Variants in MYH11 observed in about 807,000 individuals in gnomAD.
The protein encoded by MYH11 is myosin heavy chain 11.
In MYH11, 80 loss-of-function variants were observed where a neutral mutation model predicts 246.6. The ratio of observed to expected loss-of-function variants is 0.32; its 90% confidence interval spans 0.27 to 0.39. MYH11 has a LOEUF of 0.39. MYH11 is among the 10% of genes least tolerant of loss of function. MYH11 has a pLI of 1.00. For missense variants in MYH11, 2,158 were observed against 2,546.8 expected (o/e 0.85, Z 3.29); for synonymous variants, 1,071 against 1,015.5 (o/e 1.05, Z -1.04).
chr16:15,786,602 T>G, intron 5 of MYH11, 28 bp downstream of exon 5: 1 of 1,601,728 alleles, frequency 6.2e-7, no homozygotes, highest in Non-Finnish European at 8.6e-7. Flanking sequence ...GGCTAAATCA[T>G]GGCCTCTGAT....
At chr16:15,792,978 G>C (rs149410317) in intron 4 of MYH11, among the ~76,000 whole-genome samples, 52 of 152,264 alleles carry the variant, frequency 3.4e-4, no homozygotes, top group African/African-American at 1.2e-3. Context: ...CAAGCGATCA[G>C]CCTGCCTTGG....
intron 28 of MYH11, chr16:15,725,584 A>C (rs560846645): frequency 1.3e-4 from 51 of 406,438 alleles, no homozygotes; most frequent in African/African-American, 9.8e-4. Flanking sequence ...CTACCCCTCC[A>C]TCTCTTCCAT....
intron 11 of MYH11, among the ~76,000 whole-genome samples, 191 bp downstream of exon 11, chr16:15,760,345 GATGA>G (rs2041839990): frequency 6.8e-6 from 1 of 146,484 alleles, no homozygotes; most frequent in African/African-American, 2.8e-5. Flanking sequence ...TAGATGGGCA[GATGA>G]ATGGATGGAT....
At chr16:15,844,806 C>T (rs1178672630) in intron 1 of MYH11, among the ~76,000 whole-genome samples, 3 of 152,112 alleles carry the variant, frequency 2.0e-5, no homozygotes, top group Non-Finnish European at 4.4e-5. Context: ...GCTATGATTA[C>T]ATCACTGCAC....
intron 5 of MYH11, chr16:15,786,086 G>A (rs1376436499): frequency 3.9e-6 from 1 of 258,774 alleles, no homozygotes. Context: ...GGAGGAATCC[G>A]GGAACCCAAA....
chr16:15,760,721 A>G (rs2041849712), intron 10 of MYH11, 63 bp from the exon 11 acceptor site: 2 of 1,083,216 alleles, frequency 1.8e-6, no homozygotes, highest in African/African-American at 1.5e-5. Flanking sequence ...AAGAAGACAC[A>G]TCGCATGGGA....
intron 3 of MYH11, among the ~76,000 whole-genome samples, chr16:15,800,924 G>T (rs1311104206): frequency 2.6e-5 from 4 of 152,134 alleles, no homozygotes; most frequent in African/African-American, 9.7e-5. Context: ...AAAATAGGCA[G>T]GCCGGGCGCA....
In MYH11 at chr16:15,741,955, T is replaced by G. The variant is rs2041287252; in HGVS notation, c.2521-64A>C. ...CAAAGGGATATGTTGTCATAATAAATTCGATCAGTGGTTCCGAGCCAGGGA... is the reference window on the plus strand; with the variant it reads ...CAAAGGGATATGTTGTCATAATAAAGTCGATCAGTGGTTCCGAGCCAGGGA... On this transcript the variant is annotated intron_variant, in intron 20 of 40. Transcript: ENST00000300036. The G allele has an allele frequency of 3.1e-6, 5 of 1,604,678 alleles. No homozygotes were observed. The South Asian group carries it at 5.5e-5, about 18-fold the overall frequency.
At chr16:15,787,890 C>A (rs1346658267) in intron 4 of MYH11, among the ~76,000 whole-genome samples, 4 of 152,096 alleles carry the variant, frequency 2.6e-5, no homozygotes, top group East Asian at 1.9e-4. Flanking sequence ...CAGATGCAAG[C>A]CCCTTTATCC....
chr16:15,740,042 C>T lies in MYH11; in HGVS notation c.2997+9G>A. On this transcript the variant is annotated intron_variant, in intron 23 of 40. Coordinates refer to ENST00000300036, the MANE Select transcript of MYH11 (RefSeq NM_002474.3). ...TAGGCGTGAGCCACTGCACCCGGCC[C>T]CTACTCACTTTTGATAGTTTATTGT... The T allele has an allele frequency of 6.2e-7, 1 of 1,613,850 alleles. No homozygotes were observed. Among genetic ancestry groups the T allele is most frequent in the Non-Finnish European group, 8.5e-7 (1 of 1,179,956 alleles).
intron 1 of MYH11, among the ~76,000 whole-genome samples, chr16:15,842,787 A>G (rs74739464): frequency 6.7e-6 from 1 of 150,004 alleles, no homozygotes; most frequent in Admixed American, 6.6e-5. Flanking sequence ...AAAAAAAAAA[A>G]AAAGGGCAGA....
At chr16:15,746,608 G>A (rs78250419) in intron 19 of MYH11, among the ~76,000 whole-genome samples, 3,136 of 152,104 alleles carry the variant, frequency 0.021, 45 homozygotes, top group Non-Finnish European at 0.031. Flanking sequence ...GACAGAGAGC[G>A]ACCCCACCTG....
At chr16:15,797,663 G>C (rs2042775370) in intron 4 of MYH11, among the ~76,000 whole-genome samples, 2 of 151,284 alleles carry the variant, frequency 1.3e-5, no homozygotes, top group African/African-American at 4.9e-5. Flanking sequence ...CCGACCTGCT[G>C]AAAGTTATTT....
Position 15,782,398 on chromosome 16 carries a change from T to C in MYH11, c.713A>G (p.Asn238Ser). 2 of 1,613,952 alleles carry C rather than the reference T, an allele frequency of 1.2e-6. No homozygotes were observed. Among genetic ancestry groups the C allele is most frequent in the Non-Finnish European group, 1.7e-6 (2 of 1,179,946 alleles). Residue 238 changes from asparagine to serine, a missense_variant, in exon 6 of 41, where the codon AAC (asparagine) becomes AGC (serine). Physicochemically the swap from Asn to Ser is conservative, Grantham distance 46. This residue lies in a region of MYH11 where 123 missense variants were observed against 207.1 expected (regional missense o/e 0.59). Transcript: ENST00000300036. The part of the protein sequence containing the change: ...FGNAKTVKND[N>S]SSRFGKFIRI... Reference sequence around the variant, plus strand: ...TTTGCTACTTACGAATCGTGAGGAGTTGTCGTTCTTCACTGTTTTGGCGTT... The same window carrying C: ...TTTGCTACTTACGAATCGTGAGGAGCTGTCGTTCTTCACTGTTTTGGCGTT...
intron 1 of MYH11, among the ~76,000 whole-genome samples, chr16:15,850,474 C>T (rs2044302679): frequency 6.6e-6 from 1 of 152,156 alleles, no homozygotes; most frequent in African/African-American, 2.4e-5. Context: ...AACAGCTTCC[C>T]TCAGGATTTT....
intron 3 of MYH11, among the ~76,000 whole-genome samples, chr16:15,805,276 T>A (rs968516831): frequency 1.3e-5 from 2 of 152,204 alleles, no homozygotes; most frequent in African/African-American, 4.8e-5. Flanking sequence ...GAGAAAACGG[T>A]GCCTTTCTCT....
At chr16:15,743,871 T>C (rs1256712623) in intron 20 of MYH11, among the ~76,000 whole-genome samples, 1 of 152,162 alleles carries the variant, frequency 6.6e-6, no homozygotes, top group Non-Finnish European at 1.5e-5. Flanking sequence ...AGAAGCCTAG[T>C]CTATTGCAAC....
intron 3 of MYH11, among the ~76,000 whole-genome samples, chr16:15,812,551 TAAAAAAAAAAAAAAA>T (rs71134466): frequency 1.6e-4 from 6 of 37,400 alleles, no homozygotes; most frequent in Non-Finnish European, 2.7e-4. Flanking sequence ...ATCTTATCTC[TAAAAAAAAAAAAAAA>T]AAAAAAAAAA....
chr16:15,733,860 T>G (rs1489429652), intron 26 of MYH11, among the ~76,000 whole-genome samples: 3 of 152,196 alleles, frequency 2.0e-5, no homozygotes, highest in Non-Finnish European at 2.9e-5. Context: ...TGGGCTCTTC[T>G]GTATCAAAGG....
Sources: gnomAD v4.1 joint callset for allele counts (sites outside exome capture counted in the v4.1 genomes callset) on GRCh38, gnomAD v4.1.1 for gene constraint, gnomAD v4.1.1 regional missense constraint, MANE v1.5 for transcripts, NCBI Gene and HGNC (gene_info 2026-07-23, HGNC 2026-07-21) for gene names.